VIPR1: variants seen among roughly 807,000 people sequenced by gnomAD.
The protein encoded by VIPR1 is vasoactive intestinal peptide receptor 1, also known as vasoactive intestinal polypeptide receptor 1.
Under a neutral mutation model 58.8 loss-of-function variants are expected in VIPR1, and 59 were observed. The ratio of observed to expected loss-of-function variants is 1.00; its 90% CI spans 0.81 to 1.25. VIPR1 has a LOEUF of 1.25. Among genes scored for constraint, VIPR1 ranks in the 50% most tolerant of loss-of-function variants. The probability of loss-of-function intolerance (pLI) is 0.00; values close to 1 mark genes in which losing one functional copy is unlikely to be tolerated. For synonymous variants in VIPR1, 251 were observed against 242.1 expected, an observed-to-expected ratio of 1.04 and a Z score of -0.34; for missense variants, 626 against 602.7, an observed-to-expected ratio of 1.04 and a Z score of -0.40.
chr3:42,491,870 T>C (rs964332627), intron 1 of VIPR1, among the ~76,000 whole-genome samples: 5 of 152,224 alleles, frequency 3.3e-5, no homozygotes, highest in African/African-American at 1.2e-4. Context: ...CCACCGCACC[T>C]GGCCTGAAGC....
chr3:42,532,113 G>T, intron 9 of VIPR1, 129 bp from the exon 10 acceptor site: 1 of 1,031,200 alleles, frequency 9.7e-7, no homozygotes, highest in Non-Finnish European at 1.5e-6. Flanking sequence ...AAGGGGAAAT[G>T]CCAGAGGAGA....
chr3:42,491,636 G>A (rs908519534), intron 1 of VIPR1, among the ~76,000 whole-genome samples: 2 of 152,098 alleles, frequency 1.3e-5, no homozygotes, highest in Non-Finnish European at 2.9e-5. Context: ...GTGTAGTGGG[G>A]TGATCTCAGC....
chr3:42,536,556 A>G lies in VIPR1; in HGVS notation c.*275A>G, dbSNP rs1030375065. 8 of 382,154 alleles carry G rather than the reference A, an allele frequency of 2.1e-5. No homozygotes were observed. Among genetic ancestry groups the G allele is most frequent in the Non-Finnish European group, 3.2e-5 (7 of 216,078 alleles). 23.7% of individuals were successfully genotyped at this position (382,154 alleles called of 1,614,324 possible). ...TAGACTCCTCCTCCAAAGGCCCCCT[A>G]CGCCAATCAAGGGCAAAAAGTCTAC... On this transcript the variant is annotated 3_prime_UTR_variant, in exon 13 of 13. Coordinates refer to ENST00000325123, the MANE Select transcript of VIPR1 (RefSeq NM_004624.4).
At position 42,519,248 on chromosome 3, in the gene VIPR1, C is replaced by T. The variant is rs781388972; in HGVS notation, c.210C>T (p.Leu70=). Residue 70 remains leucine, a synonymous_variant, in exon 3 of 13, where the codon CTC becomes CTT. Coordinates refer to ENST00000325123, the MANE Select transcript of VIPR1 (RefSeq NM_004624.4). ...TIGCSKMWDN[L]TCWPATPRGQ... The stretch of plus-strand genomic sequence containing the variant: ...GCTGCAGCAAGATGTGGGACAACCT[C>T]ACCTGCTGGCCAGCCACCCCTCGGG... 2.6e-5 allele frequency: 42 copies of T among 1,610,640 alleles called. No homozygotes were observed. The highest frequency in any genetic ancestry group is 3.3e-4 in the Middle Eastern group (2 of 6,074).
rs73831005 is a variant in VIPR1, at chr3:42,522,868, G to A, written c.293-3019G>A. On this transcript the variant is annotated intron_variant, in intron 3 of 12. Coordinates refer to ENST00000325123, the MANE Select transcript of VIPR1 (RefSeq NM_004624.4). ...GGAGGATCCTAGCTAGGCACAAGCG[G>A]GGGCCATGACTGCTTTTTGAGACAT... Among the ~76,000 whole-genome samples, 1,407 of 152,304 alleles carry A rather than the reference G, an allele frequency of 9.2e-3. 21 individuals are homozygous for A. The highest frequency in any genetic ancestry group is 0.032 in the African/African-American group (1,320 of 41,556).
chr3:42,527,459 A>AC lies in VIPR1; in HGVS notation c.469dup (p.Leu157ProfsTer60). 6.2e-7 allele frequency: 1 copy of AC among 1,613,354 alleles called. No homozygotes were observed. The highest frequency in any genetic ancestry group is 2.2e-5 in the East Asian group (1 of 44,842). On this transcript the variant is annotated frameshift_variant, in exon 5 of 13. Transcript: ENST00000325123. LOFTEE classifies it high-confidence loss of function. ...CATTGGCTACGGCCTGTCCCTCGCC[A>AC]CCCTTCTGGTCGCCACAGCTATCCT...
In VIPR1 at chr3:42,531,864, A is replaced by G. The variant is rs778698453; in HGVS notation, c.913A>G (p.Ile305Val). ...WIIKGPILTS[I>V]LVNFILFICI... ...CATAAAGGGCCCCATCCTCACCTCC[A>G]TCTTGGTAAGATACCCTCCCACCAC... Residue 305 changes from isoleucine (I) to valine (V), a missense_variant, in exon 9 of 13, where the codon ATC (isoleucine) becomes GTC (valine). By Grantham distance (29) the Ile-to-Val change is conservative. Transcript: ENST00000325123. 4.3e-6 allele frequency: 7 copies of G among 1,614,140 alleles called. No individual in the cohort carries two copies. Among genetic ancestry groups the G allele is most frequent in the South Asian group, 1.1e-5 (1 of 91,082 alleles).
rs374340346 is a variant in VIPR1, at chr3:42,532,229, C to G, written c.919-13C>G. 1.2e-4 allele frequency: 188 copies of G among 1,613,884 alleles called. No homozygotes were observed. Among genetic ancestry groups the G allele is most frequent in the Non-Finnish European group, 1.5e-4 (181 of 1,179,898 alleles). On this transcript the variant is annotated splice_polypyrimidine_tract_variant and intron_variant, in intron 9 of 12. Coordinates refer to ENST00000325123, the MANE Select transcript of VIPR1 (RefSeq NM_004624.4). ...CCGCTCTGACTGCCCGAACTCGGGT[C>G]CCCACCCACTAGGTAAACTTCATCC... is the stretch of plus-strand genomic sequence containing the variant.
At chr3:42,502,140 T>TG (rs1337111230), upstream of VIPR1, 3 of 152,282 alleles carry the variant, frequency 2.0e-5, no homozygotes, top group Non-Finnish European at 4.4e-5. Flanking sequence ...CCTGGACACT[T>TG]GCTGGGCCCC....
At chr3:42,508,481 A>T (rs1291278609) in intron 1 of VIPR1, among the ~76,000 whole-genome samples, 9 of 152,146 alleles carry the variant, frequency 5.9e-5, no homozygotes, top group South Asian at 2.1e-4. Flanking sequence ...AGATATTTTT[A>T]AAATTAGTAA....
chr3:42,520,172 C>T (rs945644049), intron 3 of VIPR1, among the ~76,000 whole-genome samples: 8 of 152,118 alleles, frequency 5.3e-5, no homozygotes, highest in Admixed American at 1.3e-4. Flanking sequence ...GAATCAACAG[C>T]CCGTGGAACA....
intron 4 of VIPR1, 51 bp from the exon 5 acceptor site, chr3:42,527,342 G>A: frequency 6.5e-7 from 1 of 1,540,298 alleles, no homozygotes; most frequent in Non-Finnish European, 9.0e-7. Flanking sequence ...ATACCCCCTA[G>A]ATGAGCCTCC....
intron 10 of VIPR1, chr3:42,532,609 C>T: frequency 1.8e-6 from 1 of 549,794 alleles, no homozygotes; most frequent in Non-Finnish European, 3.3e-6. Flanking sequence ...CCAGGGAGCT[C>T]AAGAGGACAC....
chr3:42,531,344 C>T (rs1276873800), intron 7 of VIPR1, 127 bp from the exon 8 acceptor site: 1 of 986,610 alleles, frequency 1.0e-6, no homozygotes, highest in Non-Finnish European at 1.5e-6. Context: ...CCAAAGACAG[C>T]AGACTGACAA....
chr3:42,520,245 G>A (rs1700843416), intron 3 of VIPR1, among the ~76,000 whole-genome samples: 1 of 152,228 alleles, frequency 6.6e-6, no homozygotes, highest in Non-Finnish European at 1.5e-5. Flanking sequence ...CAGGGATGAA[G>A]GGAGGGGAGG....
rs1347638294 is a variant in VIPR1, at chr3:42,536,810, C to CT, written c.*530dup. The stretch of plus-strand genomic sequence containing the variant: ...TTGACTGAAGATGCAGCTCACTACC[C>CT]TATTCTCTCTTTACGCTTAGTTATC... On this transcript the variant is annotated 3_prime_UTR_variant, in exon 13 of 13. Transcript: ENST00000325123. 2.0e-5 allele frequency: 3 copies of CT among 152,874 alleles called. No homozygotes were observed. The highest frequency in any genetic ancestry group is 2.1e-4 in the South Asian group (1 of 4,846). 9.5% of individuals were successfully genotyped at this position (152,874 alleles called of 1,614,324 possible).
intron 3 of VIPR1, among the ~76,000 whole-genome samples, chr3:42,520,151 A>G (rs1410419961): frequency 6.6e-6 from 1 of 152,204 alleles, no homozygotes; most frequent in Non-Finnish European, 1.5e-5. Flanking sequence ...ATTGGGGACA[A>G]CTGAGAGAGA....
chr3:42,527,939 G>C (rs1286758050), intron 5 of VIPR1, 52 bp from the exon 6 acceptor site: 29 of 1,598,232 alleles, frequency 1.8e-5, no homozygotes, highest in Non-Finnish European at 2.1e-5. Flanking sequence ...GCATTGGCTG[G>C]GGTGGGGATC....
chr3:42,516,836 T>A (rs1384962839), intron 2 of VIPR1: 1 of 152,254 alleles, frequency 6.6e-6, no homozygotes, highest in Non-Finnish European at 1.5e-5. Context: ...CATTTCCTCA[T>A]CTGTGAAATG....
Sources: allele counts gnomAD v4.1 joint callset (sites outside exome capture counted in the v4.1 genomes callset), GRCh38; gene constraint gnomAD v4.1.1; transcripts MANE v1.5; gene names NCBI Gene and HGNC (gene_info 2026-07-23, HGNC 2026-07-21).